The following ATCAY variants were observed in gnomAD, a reference collection of about 807,000 sequenced individuals.
ATCAY encodes caytaxin.
ATCAY carries 22 observed loss-of-function variants against 47.7 expected under a neutral mutation model. The observed-to-expected ratio is 0.46, with a 90% CI of 0.33 to 0.66. The LOEUF is 0.66. ATCAY is among the 30% of genes least tolerant of loss of function. The probability of loss-of-function intolerance (pLI) is 0.02; values close to 1 mark genes in which losing one functional copy is unlikely to be tolerated. For synonymous variants in ATCAY, 216 were observed against 207.6 expected, an observed-to-expected ratio of 1.04 and a Z score of -0.35; for missense variants, 452 against 515.0, an observed-to-expected ratio of 0.88 and a Z score of 1.18.
At chr19:3,895,778 C>A (rs2038764975) in intron 2 of ATCAY, among the ~76,000 whole-genome samples, 1 of 148,006 alleles carries the variant, frequency 6.8e-6, no homozygotes, top group Non-Finnish European at 1.5e-5. Context: ...GCAGTGGTGC[C>A]AATCACAGCT....
At chr19:3,899,649 T>C (rs1487374724) in intron 2 of ATCAY, among the ~76,000 whole-genome samples, 1 of 152,070 alleles carries the variant, frequency 6.6e-6, no homozygotes, top group African/African-American at 2.4e-5. Flanking sequence ...GGAACATGCA[T>C]TCCACCGCCC....
intron 2 of ATCAY, among the ~76,000 whole-genome samples, chr19:3,887,327 G>GT (rs2038666772): frequency 6.6e-6 from 1 of 151,736 alleles, no homozygotes; most frequent in African/African-American, 2.4e-5. Flanking sequence ...GCATGGTGGT[G>GT]TGCACCTGCA....
rs140206268 is a variant in ATCAY, at chr19:3,910,349, A to G, written c.780-454A>G. Among the ~76,000 whole-genome samples the G allele has an allele frequency of 8.5e-3, 1,290 of 152,212 alleles. 24 individuals are homozygous for G. Among genetic ancestry groups the G allele is most frequent in the African/African-American group, 0.029 (1,211 of 41,532 alleles). On this transcript the variant is annotated intron_variant, in intron 7 of 12. Coordinates refer to ENST00000450849, the MANE Select transcript of ATCAY (RefSeq NM_033064.5). ...ATACCACATTTGGTTTGTCCATTCC[A>G]TTCATCTCTTGATGGACATGGGTTG...
chr19:3,910,599 T>C (rs909611274), intron 7 of ATCAY, among the ~76,000 whole-genome samples: 1 of 152,132 alleles, frequency 6.6e-6, no homozygotes, highest in African/African-American at 2.4e-5. Flanking sequence ...CTGAGGGTCT[T>C]AGGGACTCAA....
intron 1 of ATCAY, among the ~76,000 whole-genome samples, chr19:3,882,187 G>T (rs894944856): frequency 7.2e-5 from 11 of 152,122 alleles, no homozygotes; most frequent in African/African-American, 2.7e-4. Context: ...GGCCTTAGAT[G>T]CTTCATGTAT....
chr19:3,883,828 T>C (rs1322866506), intron 1 of ATCAY, among the ~76,000 whole-genome samples: 1 of 152,072 alleles, frequency 6.6e-6, no homozygotes, highest in East Asian at 1.9e-4. Flanking sequence ...ACTCTTTTGT[T>C]TACAGAAAGG....
intron 5 of ATCAY, 143 bp from the exon 6 acceptor site, chr19:3,908,125 C>A: frequency 1.0e-6 from 1 of 996,730 alleles, no homozygotes; most frequent in Non-Finnish European, 1.5e-6. Context: ...AAGGCAGAGA[C>A]TGGCTAAGGG....
In ATCAY at chr19:3,881,869, C is replaced by G. The variant is rs887358012; in HGVS notation, c.-42+861C>G. Among the ~76,000 whole-genome samples the G allele has an allele frequency of 1.8e-4, 26 of 140,982 alleles. 1 individual carries two copies. Among genetic ancestry groups the G allele is most frequent in the Middle Eastern group, 3.3e-3 (1 of 302 alleles). The allele number at this position is 140,982 out of a possible 152,430, so 92.5% of individuals were successfully genotyped here. A position where few individuals can be genotyped will look rare whatever the true frequency, so the allele number is the denominator to read the frequency against. ...GGCCTGGCTGGCTGCTGCCACCGCC[C>G]CCCCCCCGACCCCATAGCATCCAGG... On this transcript the variant is annotated intron_variant, in intron 1 of 12. Transcript: ENST00000450849.
intron 8 of ATCAY, 25 bp from the exon 9 acceptor site, chr19:3,913,733 C>G: frequency 1.2e-6 from 2 of 1,600,366 alleles, no homozygotes; most frequent in Non-Finnish European, 1.7e-6. Flanking sequence ...CATTTCAGAC[C>G]TCTCCCTCCT....
rs763717373 is a variant in ATCAY, at chr19:3,908,279, G to A, written c.556G>A (p.Glu186Lys). The A allele has an allele frequency of 4.4e-5, 69 of 1,577,788 alleles. No individual in the cohort carries two copies. The highest frequency in any genetic ancestry group is 8.1e-5 in the African/African-American group (6 of 74,052). ...KVVTHGGYYGEGLNAIIVFAA... is the reference protein window; with the variant it reads ...KVVTHGGYYGKGLNAIIVFAA... ...CTGCCTCTCCTCAGGGTACTACGGC[G>A]AAGGCCTCAACGCCATCATCGTCTT... The change falls in exon 6 of 13, where the codon GAA (glutamate) becomes AAA (lysine). Residue 186 changes from glutamate to lysine, a missense_variant. Physicochemically the swap from Glu to Lys is moderately conservative, Grantham distance 56. Transcript: ENST00000450849.
At chr19:3,899,220 A>G (rs994430987) in intron 2 of ATCAY, among the ~76,000 whole-genome samples, 40 of 152,066 alleles carry the variant, frequency 2.6e-4, no homozygotes, top group Non-Finnish European at 1.8e-4. Flanking sequence ...AGAGGGAGGG[A>G]AAGGGAGAGG....
At chr19:3,884,868 A>G (rs919393699) in intron 1 of ATCAY, among the ~76,000 whole-genome samples, 2 of 152,026 alleles carry the variant, frequency 1.3e-5, no homozygotes, top group South Asian at 2.1e-4. Context: ...AGGCCGAGGC[A>G]GGAGGATTGC....
At position 3,924,785 on chromosome 19, in the gene ATCAY, TAACGATGCAG is replaced by T; in HGVS notation, c.*194_*203del. ...TTGAAAACATTGTATTTTTTTTTTT[TAACGATGCAG>T]TATTTGTGCGTTCCAGAAAAGGGCC... On this transcript the variant is annotated 3_prime_UTR_variant, in exon 13 of 13. Coordinates refer to ENST00000450849, the MANE Select transcript of ATCAY (RefSeq NM_033064.5). The T allele has an allele frequency of 3.7e-6, 2 of 535,876 alleles. No individual in the cohort carries two copies. The highest frequency in any genetic ancestry group is 6.5e-6 in the Non-Finnish European group (2 of 308,138). The allele number at this position is 535,876 out of a possible 1,614,324, so 33.2% of individuals were successfully genotyped here. A position where few individuals can be genotyped will look rare whatever the true frequency, so the allele number is the denominator to read the frequency against.
chr19:3,909,324 T>C (rs752278809), intron 6 of ATCAY, among the ~76,000 whole-genome samples, 162 bp from the exon 7 acceptor site: 15 of 150,602 alleles, frequency 1.0e-4, no homozygotes, highest in Non-Finnish European at 1.8e-4. Flanking sequence ...ATCATCCACG[T>C]CCTCTCCCAC....
At chr19:3,911,911 C>T (rs1000706266) in intron 8 of ATCAY, among the ~76,000 whole-genome samples, 1 of 152,052 alleles carries the variant, frequency 6.6e-6, no homozygotes, top group African/African-American at 2.4e-5. Context: ...CTGCTAAGTA[C>T]CCTGAAGGGG....
chr19:3,915,694 G>A (rs2038960771), intron 9 of ATCAY, among the ~76,000 whole-genome samples: 1 of 149,210 alleles, frequency 6.7e-6, no homozygotes, highest in South Asian at 2.1e-4. Flanking sequence ...TGGGATTAAG[G>A]CACCCACCAC....
In ATCAY at chr19:3,898,253, T is replaced by C. The variant is rs1483678852; in HGVS notation, c.78-4234T>C. On this transcript the variant is annotated intron_variant, in intron 2 of 12. Coordinates refer to ENST00000450849, the MANE Select transcript of ATCAY (RefSeq NM_033064.5). ...AGGCTGGAGTGCAGTGGTGCAATCA[T>C]AGCTCACTGCAGCCTCGACCTCCCA... is the stretch of plus-strand genomic sequence containing the variant. Among the ~76,000 whole-genome samples, 14 of 152,110 alleles carry C rather than the reference T, an allele frequency of 9.2e-5. No individual in the cohort carries two copies. In the East Asian group the frequency reaches 2.7e-3, roughly 29 times the overall value.
At chr19:3,910,235 A>C (rs73539408) in intron 7 of ATCAY, among the ~76,000 whole-genome samples, 1,541 of 152,192 alleles carry the variant, frequency 0.01, 32 homozygotes, top group African/African-American at 0.036. Flanking sequence ...TTCCTCACTG[A>C]GTGTGATGTC....
chr19:3,894,242 T>C (rs2038744898), intron 2 of ATCAY, among the ~76,000 whole-genome samples: 1 of 151,894 alleles, frequency 6.6e-6, no homozygotes, highest in South Asian at 2.1e-4. Flanking sequence ...CCCAGCACTT[T>C]GGGAGGCCGA....
Sources: allele counts gnomAD v4.1 joint callset (sites outside exome capture counted in the v4.1 genomes callset), GRCh38; gene constraint gnomAD v4.1.1; transcripts MANE v1.5; gene names NCBI Gene and HGNC (gene_info 2026-07-23, HGNC 2026-07-21).